MUSK: variants seen among roughly 807,000 people sequenced by gnomAD.
The protein encoded by MUSK is muscle, skeletal receptor tyrosine-protein kinase.
Under a neutral mutation model 88.7 loss-of-function variants are expected in MUSK, and 55 were observed. The ratio of observed to expected loss-of-function variants is 0.62; its 90% CI spans 0.50 to 0.78. The LOEUF (loss-of-function observed/expected upper bound fraction) is 0.78, where lower values mean the gene tolerates loss of function less well. Ranked by LOEUF, MUSK falls within the 30% of genes least tolerant of loss-of-function variation. The probability of loss-of-function intolerance (pLI) is 0.00; values close to 1 mark genes in which losing one functional copy is unlikely to be tolerated. For synonymous variants in MUSK, 387 were observed against 391.9 expected (o/e 0.99, Z 0.15); for missense variants, 1,015 against 1,074.3 (o/e 0.94, Z 0.77).
intron 5 of MUSK, among the ~76,000 whole-genome samples, chr9:110,725,533 T>C (rs1204778254): frequency 6.6e-6 from 1 of 151,978 alleles, no homozygotes; most frequent in Non-Finnish European, 1.5e-5. Flanking sequence ...ATAAATTATA[T>C]CTCAGATTAG....
intron 2 of MUSK, among the ~76,000 whole-genome samples, chr9:110,684,628 T>C (rs2131662981): frequency 1.3e-5 from 2 of 152,164 alleles, no homozygotes; most frequent in East Asian, 1.9e-4. Flanking sequence ...TATTTTTCCA[T>C]TTTTTTGGTG....
chr9:110,729,326 TAAAAAAAA>T (rs34882321), intron 5 of MUSK, among the ~76,000 whole-genome samples: 12 of 97,420 alleles, frequency 1.2e-4, no homozygotes, highest in Middle Eastern at 6.2e-3. Flanking sequence ...CTGTTTTCTG[TAAAAAAAA>T]AAAAAAAAAA....
At chr9:110,781,433 T>A (rs531743555) in intron 11 of MUSK, among the ~76,000 whole-genome samples, 18 of 152,028 alleles carry the variant, frequency 1.2e-4, no homozygotes, top group Admixed American at 3.9e-4. Flanking sequence ...CCCACCACCA[T>A]GCCCAGCTAA....
rs562968902 is a variant in MUSK at position 110,780,429 on chromosome 9, C to G, written c.1384+3774C>G. Among the ~76,000 whole-genome samples the G allele has an allele frequency of 7.3e-4, 111 of 152,252 alleles. 1 individual carries two copies. The highest frequency in any genetic ancestry group is 3.4e-3 in the Middle Eastern group (1 of 294). On this transcript the variant is annotated intron_variant, in intron 11 of 14. Coordinates refer to ENST00000374448, the MANE Select transcript of MUSK (RefSeq NM_005592.4). ...ATTCTCAATATTGAGTCTTACCTAGCGAATTAGCCAAGACTCCACCCATCA... is the reference window on the plus strand; with the variant it reads ...ATTCTCAATATTGAGTCTTACCTAGGGAATTAGCCAAGACTCCACCCATCA...
chr9:110,790,049 G>A (rs2077946136), intron 14 of MUSK, among the ~76,000 whole-genome samples: 1 of 152,156 alleles, frequency 6.6e-6, no homozygotes, highest in Non-Finnish European at 1.5e-5. Flanking sequence ...AAGAGGAGAT[G>A]AACAAGAAAA....
intron 5 of MUSK, among the ~76,000 whole-genome samples, chr9:110,722,522 A>G (rs1178887518): frequency 6.6e-6 from 1 of 151,798 alleles, no homozygotes; most frequent in Non-Finnish European, 1.5e-5. Context: ...AGAGCGAGAC[A>G]CCATCATGGG....
intron 6 of MUSK, among the ~76,000 whole-genome samples, chr9:110,741,496 C>T (rs4532674): frequency 0.59 from 90,113 of 151,646 alleles, 27,117 homozygotes; most frequent in Middle Eastern, 0.71. Context: ...GAACAAAGTG[C>T]GTCAATGTGT....
intron 6 of MUSK, among the ~76,000 whole-genome samples, chr9:110,739,229 A>G (rs1371968044): frequency 1.3e-5 from 2 of 152,160 alleles, no homozygotes; most frequent in Admixed American, 6.6e-5. Context: ...AGCTGTTATG[A>G]TTATGGCTTA....
chr9:110,702,490 G>C (rs1469507328), intron 5 of MUSK, among the ~76,000 whole-genome samples: 1 of 152,134 alleles, frequency 6.6e-6, no homozygotes, highest in East Asian at 1.9e-4. Context: ...AGTCGTGAGG[G>C]AGAAAAAACC....
chr9:110,672,862 A>T (rs996663351), intron 1 of MUSK, among the ~76,000 whole-genome samples: 4 of 152,142 alleles, frequency 2.6e-5, no homozygotes, highest in Non-Finnish European at 2.9e-5. Flanking sequence ...ATACAAAGGA[A>T]AGGTAATGTC....
intron 5 of MUSK, among the ~76,000 whole-genome samples, chr9:110,715,148 T>C (rs1396002073): frequency 6.7e-6 from 1 of 149,932 alleles, no homozygotes; most frequent in East Asian, 1.9e-4. Flanking sequence ...ACAGCTTTCA[T>C]GACTCAGAAA....
intron 4 of MUSK, 88 bp from the exon 5 acceptor site, chr9:110,697,237 A>T: frequency 7.4e-7 from 1 of 1,353,968 alleles, no homozygotes. Context: ...TGATGATAAT[A>T]GTGATGACAA....
At chr9:110,698,581 A>G (rs185646552) in intron 5 of MUSK, among the ~76,000 whole-genome samples, 2 of 152,070 alleles carry the variant, frequency 1.3e-5, no homozygotes, top group African/African-American at 4.8e-5. Context: ...CTTGATGGAC[A>G]TTCCTGTCAC....
intron 6 of MUSK, among the ~76,000 whole-genome samples, chr9:110,746,304 A>G (rs866514307): frequency 6.6e-6 from 1 of 152,104 alleles, no homozygotes; most frequent in South Asian, 2.1e-4. Flanking sequence ...AAAAAGAACC[A>G]CCATTTAAAA....
At chr9:110,783,145 T>C (rs1007139288) in intron 11 of MUSK, among the ~76,000 whole-genome samples, 1 of 152,224 alleles carries the variant, frequency 6.6e-6, no homozygotes, top group Non-Finnish European at 1.5e-5. Context: ...TATGTCCCCT[T>C]CTATTAAATC....
intron 6 of MUSK, among the ~76,000 whole-genome samples, chr9:110,741,275 A>T (rs2077094417): frequency 6.6e-5 from 10 of 152,140 alleles, no homozygotes; most frequent in Admixed American, 6.6e-4. Context: ...TTTGTGAGTT[A>T]TACCACCAAT....
At chr9:110,750,785 G>A (rs554297473) in intron 7 of MUSK, among the ~76,000 whole-genome samples, 9 of 152,122 alleles carry the variant, frequency 5.9e-5, no homozygotes, top group Admixed American at 2.6e-4. Flanking sequence ...ATCCCTGTGG[G>A]GTGTTTTACT....
intron 5 of MUSK, among the ~76,000 whole-genome samples, chr9:110,722,698 G>GA (rs150398315): frequency 0.14 from 21,222 of 148,736 alleles, 1,781 homozygotes; most frequent in Non-Finnish European, 0.19. Flanking sequence ...GAAACAGCAA[G>GA]AAAAAAAAAA....
chr9:110,690,434 C>CAATATAAGTATATATAAATATATATTTA (rs1564220111), intron 3 of MUSK, among the ~76,000 whole-genome samples: 4 of 39,600 alleles, frequency 1.0e-4, no homozygotes, highest in East Asian at 1.0e-3. Context: ...ATATATATTT[C>CAATATAAGTATATATAAATATATATTTA]AATATAAGTA....
Sources: gnomAD v4.1 joint callset for allele counts (sites outside exome capture counted in the v4.1 genomes callset) on GRCh38, gnomAD v4.1.1 for gene constraint, MANE v1.5 for transcripts, NCBI Gene and HGNC (gene_info 2026-07-23, HGNC 2026-07-21) for gene names.